ENTREP2: variants seen among roughly 807,000 people sequenced by gnomAD.
The protein encoded by ENTREP2 is endosomal transmembrane epsin interactor 2, also known as protein ENTREP2.
At chr15:29,536,683 T>C in the ENTREP2 span, among the ~76,000 whole-genome samples, 1 of 151,138 alleles carries the variant, frequency 6.6e-6, no homozygotes, top group Non-Finnish European at 1.5e-5. Context: ...GGAAAGAAGG[T>C]CTTTGCAGAT....
chr15:29,600,092 G>T, the ENTREP2 span, among the ~76,000 whole-genome samples: 1 of 152,228 alleles, frequency 6.6e-6, no homozygotes, highest in Admixed American at 6.5e-5. Context: ...CTATACGGCT[G>T]GTGACAGAAG....
the ENTREP2 span, among the ~76,000 whole-genome samples, chr15:29,131,751 A>G: frequency 7.1e-6 from 1 of 140,040 alleles, no homozygotes. Context: ...GAGTGCCACG[A>G]CAGGGGGATT....
the ENTREP2 span, among the ~76,000 whole-genome samples, chr15:29,485,103 C>G: frequency 6.6e-6 from 1 of 152,174 alleles, no homozygotes; most frequent in East Asian, 1.9e-4. Flanking sequence ...TCCAAGGGTC[C>G]ATCCTCCACA....
At chr15:29,420,860 G>A in the ENTREP2 span, among the ~76,000 whole-genome samples, 1 of 152,194 alleles carries the variant, frequency 6.6e-6, no homozygotes, top group Non-Finnish European at 1.5e-5. Context: ...CCACAATGCA[G>A]CAACATGAGG....
At chr15:29,122,643 C>G in the ENTREP2 span, 1 of 152,266 alleles carries the variant, frequency 6.6e-6, no homozygotes, top group Non-Finnish European at 1.5e-5. Context: ...GGAGGGAGGC[C>G]GAGCTCAAGG....
the ENTREP2 span, among the ~76,000 whole-genome samples, chr15:29,531,186 T>C: frequency 6.6e-6 from 1 of 152,218 alleles, no homozygotes; most frequent in Non-Finnish European, 1.5e-5. Flanking sequence ...GCAAATCCTT[T>C]ATGCGTGACA....
chr15:29,155,666 G>A, the ENTREP2 span, among the ~76,000 whole-genome samples: 37 of 152,298 alleles, frequency 2.4e-4, no homozygotes, highest in South Asian at 4.1e-4. Context: ...GGAGTCTGCA[G>A]GGACCCTGCT....
the ENTREP2 span, among the ~76,000 whole-genome samples, chr15:29,345,511 C>A: frequency 6.6e-6 from 1 of 152,092 alleles, no homozygotes; most frequent in African/African-American, 2.4e-5. Context: ...GCCCACCTGG[C>A]CCCCTGCACA....
the ENTREP2 span, chr15:29,121,599 T>G: frequency 6.6e-6 from 1 of 152,206 alleles, no homozygotes; most frequent in African/African-American, 2.4e-5. Context: ...CAAAGGGACT[T>G]GCCTTGAGGG....
At chr15:29,182,380 C>T in the ENTREP2 span, among the ~76,000 whole-genome samples, 4 of 152,014 alleles carry the variant, frequency 2.6e-5, no homozygotes, top group Admixed American at 2.0e-4. Flanking sequence ...CTGCCTCGGC[C>T]TCCGAAAGTG....
the ENTREP2 span, among the ~76,000 whole-genome samples, chr15:29,314,982 G>A: frequency 6.6e-6 from 1 of 152,168 alleles, no homozygotes; most frequent in Non-Finnish European, 1.5e-5. Flanking sequence ...AGCCTGGCAG[G>A]CGGAGGTTGC....
At chr15:29,358,923 T>TA in the ENTREP2 span, among the ~76,000 whole-genome samples, 1 of 152,140 alleles carries the variant, frequency 6.6e-6, no homozygotes, top group Non-Finnish European at 1.5e-5. Flanking sequence ...AGAGAGAAAT[T>TA]AAAGAAAAAC....
At chr15:29,158,211 T>G in the ENTREP2 span, among the ~76,000 whole-genome samples, 1 of 152,226 alleles carries the variant, frequency 6.6e-6, no homozygotes. Context: ...CTCTGACCTC[T>G]GTTTGCATAC....
the ENTREP2 span, among the ~76,000 whole-genome samples, chr15:29,165,587 G>T: frequency 6.6e-6 from 1 of 152,098 alleles, no homozygotes; most frequent in African/African-American, 2.4e-5. Flanking sequence ...TAGAAGAGTT[G>T]GATAAATTCT....
chr15:29,236,772 A>C, the ENTREP2 span, among the ~76,000 whole-genome samples: 1 of 152,188 alleles, frequency 6.6e-6, no homozygotes, highest in African/African-American at 2.4e-5. Context: ...AATTAACATC[A>C]ATTCTACATA....
At chr15:29,136,756 T>C in the ENTREP2 span, among the ~76,000 whole-genome samples, 1 of 151,966 alleles carries the variant, frequency 6.6e-6, no homozygotes, top group Non-Finnish European at 1.5e-5. Flanking sequence ...GCTGATTACA[T>C]CTTTCATTAA....
At chr15:29,289,561 T>A in the ENTREP2 span, among the ~76,000 whole-genome samples, 1 of 152,040 alleles carries the variant, frequency 6.6e-6, no homozygotes, top group African/African-American at 2.4e-5. Context: ...AGATTTGATA[T>A]GAGGCACGGT....
chr15:29,595,332 C>G, the ENTREP2 span, among the ~76,000 whole-genome samples: 5 of 152,158 alleles, frequency 3.3e-5, no homozygotes, highest in Non-Finnish European at 7.4e-5. Flanking sequence ...ACTGAAGTAG[C>G]ATAGAGCTCC....
the ENTREP2 span, among the ~76,000 whole-genome samples, chr15:29,318,083 T>C: frequency 6.6e-6 from 1 of 152,172 alleles, no homozygotes; most frequent in South Asian, 2.1e-4. Context: ...CATATGTTGA[T>C]GGAAAATTCC....
Sources: allele counts gnomAD v4.1 joint callset (sites outside exome capture counted in the v4.1 genomes callset), GRCh38; gene constraint gnomAD v4.1.1; transcripts MANE v1.5; gene names NCBI Gene and HGNC (gene_info 2026-07-23, HGNC 2026-07-21).